The following MB21D2 variants were observed in gnomAD, a reference collection of about 807,000 sequenced individuals.
The protein encoded by MB21D2 is Mab-21 domain containing 2.
A neutral mutation model predicts 33.3 loss-of-function variants in MB21D2; 9 were observed. The observed-to-expected ratio is 0.27, with a 90% CI of 0.16 to 0.47. MB21D2 has a LOEUF of 0.47. MB21D2 is among the 20% of genes least tolerant of loss of function. The pLI is 0.99. For synonymous variants in MB21D2, 241 were observed against 236.3 expected (o/e 1.02, Z -0.18); for missense variants, 540 against 624.6 (o/e 0.86, Z 1.44).
intron 1 of MB21D2, among the ~76,000 whole-genome samples, chr3:192,908,352 A>G (rs536066989): frequency 2.6e-5 from 4 of 152,180 alleles, no homozygotes; most frequent in African/African-American, 9.6e-5. Context: ...AAGGGCCACA[A>G]AAGGGACCAG....
intron 1 of MB21D2, among the ~76,000 whole-genome samples, chr3:192,800,251 CT>C (rs745833711): frequency 6.6e-6 from 1 of 151,210 alleles, no homozygotes; most frequent in African/African-American, 2.4e-5. Flanking sequence ...CACTGTTTGA[CT>C]TTTTTTTTAA....
chr3:192,899,820 C>CAT (rs1714054842), intron 1 of MB21D2, among the ~76,000 whole-genome samples: 8 of 152,206 alleles, frequency 5.3e-5, no homozygotes, highest in Non-Finnish European at 1.2e-4. Flanking sequence ...TTGGGCACCT[C>CAT]GTGTGTGGTA....
At chr3:192,834,997 A>G (rs892696952) in intron 1 of MB21D2, among the ~76,000 whole-genome samples, 2 of 150,126 alleles carry the variant, frequency 1.3e-5, no homozygotes, top group African/African-American at 4.9e-5. Flanking sequence ...TTTAGTAGAG[A>G]CAGGGTTTCA....
chr3:192,826,690 A>C (rs764751204), intron 1 of MB21D2, among the ~76,000 whole-genome samples: 2 of 152,226 alleles, frequency 1.3e-5, no homozygotes, highest in Non-Finnish European at 2.9e-5. Flanking sequence ...GAGATTACAG[A>C]GAATGCCCTC....
At chr3:192,885,453 G>A (rs987946431) in intron 1 of MB21D2, among the ~76,000 whole-genome samples, 1 of 151,990 alleles carries the variant, frequency 6.6e-6, no homozygotes. Context: ...CACCCTCTAG[G>A]CAAGGATTAT....
chr3:192,808,185 T>G (rs1466319852), intron 1 of MB21D2, among the ~76,000 whole-genome samples: 1 of 152,082 alleles, frequency 6.6e-6, no homozygotes, highest in Non-Finnish European at 1.5e-5. Context: ...CCCTCACCCA[T>G]GAAAGAAAGC....
chr3:192,875,903 G>C (rs1421530489), intron 1 of MB21D2, among the ~76,000 whole-genome samples: 2 of 152,052 alleles, frequency 1.3e-5, no homozygotes, highest in African/African-American at 4.8e-5. Flanking sequence ...TTTTTTTAGA[G>C]GTTACTAAAC....
intron 1 of MB21D2, among the ~76,000 whole-genome samples, chr3:192,819,152 G>T (rs1179939307): frequency 6.6e-6 from 1 of 152,118 alleles, no homozygotes; most frequent in Non-Finnish European, 1.5e-5. Flanking sequence ...GGCCATCCGG[G>T]GGCAAAAGTG....
intron 1 of MB21D2, among the ~76,000 whole-genome samples, chr3:192,887,155 T>C (rs1713750141): frequency 6.6e-6 from 1 of 152,084 alleles, no homozygotes; most frequent in Admixed American, 6.5e-5. Context: ...CAATGAACTT[T>C]ACTTTTTAAG....
chr3:192,860,627 A>G (rs982400428), intron 1 of MB21D2, among the ~76,000 whole-genome samples: 4 of 152,210 alleles, frequency 2.6e-5, no homozygotes, highest in Non-Finnish European at 4.4e-5. Context: ...CTGAATATGC[A>G]GAGACAGTCT....
At chr3:192,901,461 A>G (rs1360762475) in intron 1 of MB21D2, among the ~76,000 whole-genome samples, 5 of 151,518 alleles carry the variant, frequency 3.3e-5, no homozygotes, top group South Asian at 2.1e-4. Context: ...AGCCTTGAGT[A>G]AGTAGGTTGG....
At chr3:192,869,712 T>C (rs1713249416) in intron 1 of MB21D2, among the ~76,000 whole-genome samples, 1 of 152,170 alleles carries the variant, frequency 6.6e-6, no homozygotes, top group Non-Finnish European at 1.5e-5. Context: ...CTTGGGGCCA[T>C]GGCCAGTTCT....
intron 1 of MB21D2, among the ~76,000 whole-genome samples, chr3:192,854,825 G>A (rs1403977162): frequency 6.6e-6 from 1 of 152,170 alleles, no homozygotes. Context: ...GAATAGCAAA[G>A]GCTAGATAAC....
chr3:192,894,185 G>A (rs1357149952), intron 1 of MB21D2, among the ~76,000 whole-genome samples: 1 of 151,984 alleles, frequency 6.6e-6, no homozygotes, highest in East Asian at 1.9e-4. Context: ...CTGTAGTGCA[G>A]TGGCGCAATC....
intron 1 of MB21D2, among the ~76,000 whole-genome samples, chr3:192,881,312 G>C (rs571218557): frequency 6.6e-6 from 1 of 152,050 alleles, no homozygotes; most frequent in Non-Finnish European, 1.5e-5. Flanking sequence ...ACCCAACAGT[G>C]AATCACCAGG....
intron 1 of MB21D2, among the ~76,000 whole-genome samples, chr3:192,829,268 A>T (rs546099872): frequency 1.5e-4 from 22 of 149,422 alleles, no homozygotes; most frequent in African/African-American, 5.2e-4. Context: ...GATGTGACAC[A>T]ATTTATTTAT....
At chr3:192,879,170 A>T (rs1713506141) in intron 1 of MB21D2, among the ~76,000 whole-genome samples, 1 of 152,352 alleles carries the variant, frequency 6.6e-6, no homozygotes, top group Admixed American at 6.5e-5. Context: ...TAAAAGCTCC[A>T]AATAAAACTG....
chr3:192,800,120 C>A (rs1002123850), intron 1 of MB21D2, among the ~76,000 whole-genome samples: 1 of 152,158 alleles, frequency 6.6e-6, no homozygotes, highest in Admixed American at 6.5e-5. Flanking sequence ...ATTGCCTAAG[C>A]GGTTTTCTTT....
chr3:192,867,963 G>A (rs1713205274), intron 1 of MB21D2, among the ~76,000 whole-genome samples: 1 of 152,136 alleles, frequency 6.6e-6, no homozygotes, highest in Non-Finnish European at 1.5e-5. Flanking sequence ...TGGAATGAGG[G>A]AAGGGGAAAA....
Sources: allele counts gnomAD v4.1 joint callset (sites outside exome capture counted in the v4.1 genomes callset), GRCh38; gene constraint gnomAD v4.1.1; transcripts MANE v1.5; gene names NCBI Gene and HGNC (gene_info 2026-07-23, HGNC 2026-07-21).